Variants in TTC7B observed in about 807,000 individuals in gnomAD.
The protein encoded by TTC7B is tetratricopeptide repeat domain 7B, also known as tetratricopeptide repeat protein 7B.
A neutral mutation model predicts 106.8 loss-of-function variants in TTC7B; 28 were observed. The observed-to-expected ratio is 0.26, with a 90% CI of 0.19 to 0.36. The LOEUF is 0.36. TTC7B is among the 10% of genes least tolerant of loss of function. The pLI is 1.00. For synonymous variants in TTC7B, 405 were observed against 430.6 expected (o/e 0.94, Z 0.74); for missense variants, 862 against 1,076.4 (o/e 0.80, Z 2.79).
rs2139753918 is a variant in TTC7B, at chr14:90,535,180, C to G, written c.*6188G>C. 6.5e-6 allele frequency: 1 copy of G among 152,686 alleles called. No individual in the cohort carries two copies. Among genetic ancestry groups the G allele is most frequent in the East Asian group, 1.9e-4 (1 of 5,162 alleles). The allele number at this position is 152,686 out of a possible 1,614,324, so 9.5% of individuals were successfully genotyped here. A position where few individuals can be genotyped will look rare whatever the true frequency, so the allele number is the denominator to read the frequency against. ...ACCTGGAAGGAGGCAGAGAGACAGA[C>G]AGACGAGCCCATGGATCCCAAATGG... is the stretch of plus-strand genomic sequence containing the variant. On this transcript the variant is annotated 3_prime_UTR_variant, in exon 20 of 20. Coordinates refer to ENST00000328459, the MANE Select transcript of TTC7B (RefSeq NM_001010854.2).
chr14:90,788,775 A>C (rs907685624), intron 1 of TTC7B, among the ~76,000 whole-genome samples: 6 of 77,618 alleles, frequency 7.7e-5, no homozygotes, highest in African/African-American at 1.4e-4. Flanking sequence ...TCAACCTGGC[A>C]AACATGGTGA....
At chr14:90,546,510 C>T (rs533550120) in intron 19 of TTC7B, among the ~76,000 whole-genome samples, 3 of 152,346 alleles carry the variant, frequency 2.0e-5, no homozygotes, top group African/African-American at 7.2e-5. Flanking sequence ...CCCCTCCTGC[C>T]TCCCAGCTGC....
At chr14:90,715,636 G>A (rs543967227) in intron 5 of TTC7B, among the ~76,000 whole-genome samples, 1 of 152,160 alleles carries the variant, frequency 6.6e-6, no homozygotes, top group Non-Finnish European at 1.5e-5. Flanking sequence ...GAAGGGACTT[G>A]CCAAGGTCAC....
rs200465731 is a variant in TTC7B, at chr14:90,593,598, G to A, written c.1995C>T (p.Ala665=). 2.2e-5 allele frequency: 35 copies of A among 1,611,020 alleles called. No homozygotes were observed. The highest frequency in any genetic ancestry group is 2.8e-5 in the Non-Finnish European group (33 of 1,178,284). The change falls in exon 18 of 20, where the codon GCC becomes GCT. Residue 665 remains alanine (A), a synonymous_variant. Transcript: ENST00000328459. ...CCGACAGTGCCTGCTCCACTCTTGA[G>A]GCTGCTACCGATGTGGCATGGACGG... ...TGSVHATSVA[A]SRVEQALSEV... is the part of the protein sequence containing the mutation.
chr14:90,740,494 C>CTTTTTTT lies in TTC7B; in HGVS notation c.576+4291_576+4297dup, dbSNP rs71461924. 1.3e-3 allele frequency among the ~76,000 whole-genome samples: 101 copies of CTTTTTTT among 78,342 alleles called. 1 individual carries two copies. Among genetic ancestry groups the CTTTTTTT allele is most frequent in the Non-Finnish European group, 1.6e-3 (70 of 44,026 alleles). The allele number at this position is 78,342 out of a possible 152,430, so 51.4% of individuals were successfully genotyped here. A position where few individuals can be genotyped will look rare whatever the true frequency, so the allele number is the denominator to read the frequency against. Reference sequence around the variant, plus strand: ...TAAACATTCCCCTGAAATTCTTTGACTTTTTTTTTTTTTTTTTTTTTTTTT... The same window carrying CTTTTTTT: ...TAAACATTCCCCTGAAATTCTTTGACTTTTTTTTTTTTTTTTTTTTTTTTTTTTTTTT... On this transcript the variant is annotated intron_variant, in intron 4 of 19. Coordinates refer to ENST00000328459, the MANE Select transcript of TTC7B (RefSeq NM_001010854.2).
Position 90,526,942 on chromosome 14 carries a change from G to A in TTC7B, c.*14426C>T, listed in dbSNP as rs1294552. 0.85 allele frequency: 129,793 copies of A among 152,146 alleles called. 55,628 individuals carry two copies. The highest frequency in any genetic ancestry group is 0.93 in the South Asian group (4,461 of 4,804). The allele number at this position is 152,146 out of a possible 1,614,324, so 9.4% of individuals were successfully genotyped here. On this transcript the variant is annotated 3_prime_UTR_variant, in exon 20 of 20. Transcript: ENST00000328459. ...TACGGTGCCTTTCATCCAGGACCCC[G>A]TACCACCTAATATTTAGCTATGTCT...
intron 19 of TTC7B, among the ~76,000 whole-genome samples, chr14:90,559,153 G>A (rs1478369827): frequency 6.6e-6 from 1 of 152,222 alleles, no homozygotes; most frequent in Non-Finnish European, 1.5e-5. Context: ...CCGGGCAAAC[G>A]CGGAGCTTGG....
At chr14:90,690,951 C>T (rs1415092877) in intron 6 of TTC7B, among the ~76,000 whole-genome samples, 1 of 151,854 alleles carries the variant, frequency 6.6e-6, no homozygotes, top group Non-Finnish European at 1.5e-5. Flanking sequence ...CATTAAATGT[C>T]TATAAAAATG....
At chr14:90,751,576 A>T (rs927232) in intron 3 of TTC7B, among the ~76,000 whole-genome samples, 36,448 of 151,428 alleles carry the variant, frequency 0.24, 5,362 homozygotes, top group East Asian at 0.38. Flanking sequence ...CTTTTTATTT[A>T]TTTTTTTATT....
chr14:90,739,911 A>G (rs1889690711), intron 4 of TTC7B, among the ~76,000 whole-genome samples: 1 of 152,256 alleles, frequency 6.6e-6, no homozygotes, highest in Non-Finnish European at 1.5e-5. Flanking sequence ...AGCTCCTTGC[A>G]GGGCGGATAA....
At chr14:90,618,762 C>G (rs1475776040) in intron 15 of TTC7B, among the ~76,000 whole-genome samples, 6 of 152,216 alleles carry the variant, frequency 3.9e-5, no homozygotes, top group Admixed American at 3.9e-4. Flanking sequence ...AGCCTAGGTA[C>G]CTGTAGACAT....
intron 18 of TTC7B, among the ~76,000 whole-genome samples, chr14:90,592,436 C>T (rs1012186461): frequency 5.3e-5 from 8 of 152,150 alleles, no homozygotes; most frequent in South Asian, 2.1e-4. Flanking sequence ...AGGCCAGGCG[C>T]GGTGGCTCAC....
Position 90,532,558 on chromosome 14 carries a change from T to A in TTC7B, c.*8810A>T, listed in dbSNP as rs1209837802. On this transcript the variant is annotated 3_prime_UTR_variant, in exon 20 of 20. Transcript: ENST00000328459. ...ACCTTCTTGTCACTCAATGTCACTG[T>A]CTTACAGAGGTGTCCCCGACCAGCC... 1 of 152,248 alleles carries A rather than the reference T, an allele frequency of 6.6e-6. No homozygotes were observed. The highest frequency in any genetic ancestry group is 1.5e-5 in the Non-Finnish European group (1 of 68,058). The allele number at this position is 152,248 out of a possible 1,614,324, so 9.4% of individuals were successfully genotyped here.
chr14:90,778,049 G>A (rs1891090788), intron 3 of TTC7B, among the ~76,000 whole-genome samples: 1 of 152,116 alleles, frequency 6.6e-6, no homozygotes, highest in Non-Finnish European at 1.5e-5. Context: ...TAGGACCCAG[G>A]CAGATGGTCA....
At chr14:90,660,473 AAAC>A (rs1221910402) in intron 9 of TTC7B, among the ~76,000 whole-genome samples, 1 of 152,036 alleles carries the variant, frequency 6.6e-6, no homozygotes, top group African/African-American at 2.4e-5. Flanking sequence ...GAAAAGGTTT[AAAC>A]AACAACAAAA....
At chr14:90,556,313 C>G (rs568092956) in intron 19 of TTC7B, among the ~76,000 whole-genome samples, 13 of 152,300 alleles carry the variant, frequency 8.5e-5, no homozygotes, top group African/African-American at 3.1e-4. Context: ...CTCCCCTCCC[C>G]CATCTGCCGT....
At chr14:90,680,358 T>C (rs1000692813) in intron 8 of TTC7B, 114 bp downstream of exon 8, 2 of 784,520 alleles carry the variant, frequency 2.5e-6, no homozygotes, top group African/African-American at 1.7e-5. Flanking sequence ...AGGTATACCC[T>C]CTAGAAAGTA....
intron 4 of TTC7B, among the ~76,000 whole-genome samples, chr14:90,738,952 G>A (rs190997734): frequency 2.4e-4 from 36 of 152,274 alleles, no homozygotes; most frequent in Middle Eastern, 3.4e-3. Flanking sequence ...TTCGGCCTGC[G>A]AGGTTAAAGC....
chr14:90,689,659 G>A lies in TTC7B; in HGVS notation c.831C>T (p.Ser277=). 1.2e-6 allele frequency: 2 copies of A among 1,614,162 alleles called. No homozygotes were observed. The highest frequency in any genetic ancestry group is 2.2e-5 in the South Asian group (2 of 91,084). ...EILLRGMCEQ[S]YWNPLEDPPC... is the part of the protein sequence containing the mutation. The stretch of plus-strand genomic sequence containing the variant: ...GTGGATCCTCCAGAGGGTTCCAGTA[G>A]CTCTGCTCACACATACCCCGCAACA... The change falls in exon 7 of 20, where the codon AGC becomes AGT. Residue 277 remains serine, a synonymous_variant. Transcript: ENST00000328459.
Sources: gnomAD v4.1 joint callset for allele counts (sites outside exome capture counted in the v4.1 genomes callset) on GRCh38, gnomAD v4.1.1 for gene constraint, MANE v1.5 for transcripts, NCBI Gene and HGNC (gene_info 2026-07-23, HGNC 2026-07-21) for gene names.